Variants in INPP4B observed in about 807,000 individuals in gnomAD.
INPP4B encodes the protein inositol polyphosphate 4-phosphatase type II.
INPP4B carries 55 observed loss-of-function variants against 122.5 expected under a neutral mutation model. The observed-to-expected ratio is 0.45, with a 90% confidence interval of 0.36 to 0.56. The LOEUF is 0.56. INPP4B is among the 20% of genes least tolerant of loss of function. The pLI, the probability that INPP4B is intolerant of heterozygous loss-of-function variation, is 0.00. For synonymous variants in INPP4B, 403 were observed against 388.7 expected (o/e 1.04, Z -0.43); for missense variants, 1,000 against 1,097.7 (o/e 0.91, Z 1.26).
chr4:142,090,496 G>A (rs959250662), intron 23 of INPP4B, among the ~76,000 whole-genome samples: 4 of 151,818 alleles, frequency 2.6e-5, no homozygotes, highest in Non-Finnish European at 5.9e-5. Flanking sequence ...TTGTTAATAG[G>A]TGAGGTTTCA....
intron 7 of INPP4B, among the ~76,000 whole-genome samples, chr4:142,376,532 T>C: frequency 6.6e-6 from 1 of 152,072 alleles, no homozygotes; most frequent in Non-Finnish European, 1.5e-5. Context: ...CTGAGCTTGA[T>C]GCGTTATCTA....
At chr4:142,067,144 C>G (rs1763981324) in intron 25 of INPP4B, among the ~76,000 whole-genome samples, 1 of 152,204 alleles carries the variant, frequency 6.6e-6, no homozygotes, top group East Asian at 1.9e-4. Context: ...AAGGATCAGG[C>G]AACAACATTT....
intron 25 of INPP4B, among the ~76,000 whole-genome samples, chr4:142,033,528 A>G (rs1458753886): frequency 1.3e-5 from 2 of 152,126 alleles, no homozygotes; most frequent in East Asian, 3.9e-4. Context: ...TGCTGAAAGG[A>G]ACCTCTAGAG....
intron 1 of INPP4B, among the ~76,000 whole-genome samples, chr4:142,837,622 G>T (rs946770105): frequency 1.3e-5 from 2 of 152,060 alleles, no homozygotes; most frequent in African/African-American, 4.8e-5. Context: ...AGCTTTTGTT[G>T]TTGTTGTTAC....
chr4:142,711,765 A>ATCAT (rs1763147500), intron 2 of INPP4B, among the ~76,000 whole-genome samples: 1 of 152,142 alleles, frequency 6.6e-6, no homozygotes, highest in Non-Finnish European at 1.5e-5. Context: ...TAAGAGGTGT[A>ATCAT]GGCTGGGCAC....
intron 7 of INPP4B, among the ~76,000 whole-genome samples, chr4:142,394,108 G>C (rs1798580741): frequency 6.6e-6 from 1 of 152,102 alleles, no homozygotes; most frequent in African/African-American, 2.4e-5. Context: ...CACCAACAGT[G>C]TTCAAAAGTT....
chr4:142,796,319 A>T (rs1423514170), intron 1 of INPP4B, among the ~76,000 whole-genome samples: 1 of 152,056 alleles, frequency 6.6e-6, no homozygotes, highest in African/African-American at 2.4e-5. Flanking sequence ...TGAAAATGAT[A>T]AAAATCAACA....
At chr4:142,118,789 G>C (rs1327962270) in intron 21 of INPP4B, among the ~76,000 whole-genome samples, 20 of 151,968 alleles carry the variant, frequency 1.3e-4, no homozygotes, top group African/African-American at 2.4e-4. Flanking sequence ...CCAAAATTGA[G>C]AAATGGGATC....
chr4:142,810,169 CAA>C (rs201292060), intron 1 of INPP4B, among the ~76,000 whole-genome samples: 8 of 103,852 alleles, frequency 7.7e-5, no homozygotes, highest in Admixed American at 1.1e-4. Context: ...GACTCCATCT[CAA>C]AAAAAAAAAA....
At chr4:142,340,503 G>T (rs1778332497) in intron 7 of INPP4B, among the ~76,000 whole-genome samples, 1 of 152,004 alleles carries the variant, frequency 6.6e-6, no homozygotes, top group African/African-American at 2.4e-5. Flanking sequence ...CAACTCCGGG[G>T]CTCAAGGGAT....
At chr4:142,451,363 G>C (rs563750223) in intron 3 of INPP4B, among the ~76,000 whole-genome samples, 1 of 145,858 alleles carries the variant, frequency 6.9e-6, no homozygotes. Context: ...CAATTCTCCT[G>C]CCTCAGCCTC....
chr4:142,030,596 T>G (rs1739268615), intron 25 of INPP4B, among the ~76,000 whole-genome samples: 1 of 152,028 alleles, frequency 6.6e-6, no homozygotes, highest in Non-Finnish European at 1.5e-5. Flanking sequence ...CAAGGAAGAA[T>G]CAAATAAGCA....
intron 2 of INPP4B, among the ~76,000 whole-genome samples, chr4:142,480,156 T>C (rs1431698595): frequency 6.6e-6 from 1 of 152,210 alleles, no homozygotes; most frequent in Non-Finnish European, 1.5e-5. Context: ...GCAAAACCTA[T>C]ACTTATACTA....
chr4:142,279,869 A>G (rs963837571), intron 9 of INPP4B, among the ~76,000 whole-genome samples: 1 of 151,956 alleles, frequency 6.6e-6, no homozygotes, highest in Non-Finnish European at 1.5e-5. Context: ...CTTGTATCCA[A>G]AGTATATAAA....
At chr4:142,623,930 G>C (rs558062550) in intron 2 of INPP4B, among the ~76,000 whole-genome samples, 149 of 152,070 alleles carry the variant, frequency 9.8e-4, no homozygotes, top group African/African-American at 3.5e-3. Flanking sequence ...AGTATTCCAC[G>C]GTGTATATGT....
At chr4:142,818,018 G>A (rs1284510493) in intron 1 of INPP4B, among the ~76,000 whole-genome samples, 4 of 151,946 alleles carry the variant, frequency 2.6e-5, no homozygotes, top group Non-Finnish European at 5.9e-5. Context: ...AAAATTGAGA[G>A]GAAGAAAACA....
chr4:142,836,292 A>C (rs181635021), intron 1 of INPP4B, among the ~76,000 whole-genome samples: 20 of 151,720 alleles, frequency 1.3e-4, no homozygotes, highest in Admixed American at 3.9e-4. Context: ...CACACACATC[A>C]GAGAAAATCA....
chr4:142,586,415 G>C lies in INPP4B; in HGVS notation c.-190-123689C>G, dbSNP rs139285299. ...AACCCAGAGGCAAGAGAGAGACAAA[G>C]GGTCTCAGAACCTATTTGGAACCAT... On this transcript the variant is annotated intron_variant, in intron 2 of 25. Transcript: ENST00000262992. 1.1e-4 allele frequency among the ~76,000 whole-genome samples: 16 copies of C among 152,270 alleles called. No individual in the cohort carries two copies. The East Asian group carries it at 2.9e-3, about 28-fold the overall frequency.
At chr4:142,214,440 G>A (rs574792939) in intron 12 of INPP4B, among the ~76,000 whole-genome samples, 10 of 152,276 alleles carry the variant, frequency 6.6e-5, no homozygotes, top group Admixed American at 5.9e-4. Flanking sequence ...ACATTCTGCT[G>A]TTTAACTCAA....
Sources: allele counts gnomAD v4.1 joint callset (sites outside exome capture counted in the v4.1 genomes callset), GRCh38; gene constraint gnomAD v4.1.1; transcripts MANE v1.5; gene names NCBI Gene and HGNC (gene_info 2026-07-23, HGNC 2026-07-21).